The following TEAD1 variants were observed in gnomAD, a reference collection of about 807,000 sequenced individuals.
The protein encoded by TEAD1 is TEA domain transcription factor 1.
A neutral mutation model predicts 54.9 loss-of-function variants in TEAD1; 9 were observed. That is an observed-to-expected ratio of 0.16 (90% confidence interval 0.10 to 0.29). The LOEUF (loss-of-function observed/expected upper bound fraction) is 0.29. Ranked by LOEUF, TEAD1 falls within the 10% of genes least tolerant of loss-of-function variation. The pLI, the probability that TEAD1 is intolerant of heterozygous loss-of-function variation, is 1.00. For synonymous variants in TEAD1, 200 were observed against 187.8 expected (o/e 1.07, Z -0.53); for missense variants, 387 against 535.9 (o/e 0.72, Z 2.74).
intron 9 of TEAD1, among the ~76,000 whole-genome samples, chr11:12,892,211 A>G (rs984179919): frequency 4.6e-5 from 7 of 152,262 alleles, no homozygotes; most frequent in East Asian, 1.9e-4. Context: ...TTCCGTTGTC[A>G]GAACACAGAT....
intron 3 of TEAD1, among the ~76,000 whole-genome samples, chr11:12,807,968 G>T (rs1349555052): frequency 6.6e-6 from 1 of 152,138 alleles, no homozygotes; most frequent in Non-Finnish European, 1.5e-5. Flanking sequence ...TTGCTTATCC[G>T]CAAAGTGGTT....
At chr11:12,839,985 C>T (rs887098211) in intron 3 of TEAD1, among the ~76,000 whole-genome samples, 5 of 151,934 alleles carry the variant, frequency 3.3e-5, no homozygotes, top group African/African-American at 9.7e-5. Flanking sequence ...CGGTGGTTCA[C>T]GCCTGTAATC....
intron 2 of TEAD1, among the ~76,000 whole-genome samples, chr11:12,747,289 G>A (rs750615160): frequency 2.0e-5 from 3 of 152,164 alleles, no homozygotes; most frequent in Non-Finnish European, 4.4e-5. Flanking sequence ...GAAGAAGGTG[G>A]ATATATTAGC....
chr11:12,915,909 T>A (rs1217819535), intron 10 of TEAD1, among the ~76,000 whole-genome samples: 1 of 152,140 alleles, frequency 6.6e-6, no homozygotes, highest in Admixed American at 6.5e-5. Context: ...GAGAAACGAA[T>A]CCAGACTCTT....
chr11:12,871,353 G>A (rs1564971246), intron 5 of TEAD1, among the ~76,000 whole-genome samples: 1 of 152,188 alleles, frequency 6.6e-6, no homozygotes, highest in Non-Finnish European at 1.5e-5. Context: ...TTAGCTCACA[G>A]CCTTAGAAAT....
intron 9 of TEAD1, among the ~76,000 whole-genome samples, chr11:12,900,843 G>A (rs7950414): frequency 0.098 from 14,977 of 152,144 alleles, 1,360 homozygotes; most frequent in African/African-American, 0.24. Flanking sequence ...TAAAGAAGGC[G>A]GATGGAGTTT....
chr11:12,873,365 A>G (rs140046175), intron 5 of TEAD1, among the ~76,000 whole-genome samples: 6 of 152,326 alleles, frequency 3.9e-5, no homozygotes, highest in African/African-American at 1.4e-4. Flanking sequence ...AGGCACACCT[A>G]TGAGTTTGCT....
At chr11:12,828,157 C>G (rs1946694586) in intron 3 of TEAD1, 1 of 152,144 alleles carries the variant, frequency 6.6e-6, no homozygotes, top group African/African-American at 2.4e-5. Flanking sequence ...CTCTGGCGGG[C>G]TGAGGGTGCT....
At chr11:12,712,171 C>G (rs1943952442) in intron 2 of TEAD1, among the ~76,000 whole-genome samples, 1 of 152,144 alleles carries the variant, frequency 6.6e-6, no homozygotes, top group Non-Finnish European at 1.5e-5. Flanking sequence ...CAAATATCTC[C>G]CTCTTCTCTG....
At chr11:12,886,745 C>T (rs1948095301) in intron 9 of TEAD1, among the ~76,000 whole-genome samples, 1 of 151,776 alleles carries the variant, frequency 6.6e-6, no homozygotes, top group South Asian at 2.1e-4. Context: ...ATCCTCATGT[C>T]TCAGGCTCCT....
intron 2 of TEAD1, among the ~76,000 whole-genome samples, chr11:12,740,433 T>A (rs1944627314): frequency 6.6e-6 from 1 of 152,226 alleles, no homozygotes; most frequent in Non-Finnish European, 1.5e-5. Context: ...AATGTGTGTA[T>A]GTGAAAATTG....
chr11:12,745,213 G>C (rs531371122), intron 2 of TEAD1, among the ~76,000 whole-genome samples: 48 of 152,322 alleles, frequency 3.2e-4, no homozygotes, highest in African/African-American at 9.4e-4. Context: ...TAAAAACCAG[G>C]ATTATTAAAG....
chr11:12,893,617 C>G (rs1235149007), intron 9 of TEAD1, among the ~76,000 whole-genome samples: 1 of 152,182 alleles, frequency 6.6e-6, no homozygotes, highest in Non-Finnish European at 1.5e-5. Context: ...GGCCTTTCAG[C>G]TGCACTTCTG....
In TEAD1 at chr11:12,878,735, C is replaced by G. The variant is rs916017661; in HGVS notation, c.331-973C>G. 3.3e-5 allele frequency among the ~76,000 whole-genome samples: 5 copies of G among 151,980 alleles called. 1 individual carries two copies. The stretch of plus-strand genomic sequence containing the variant: ...CCTAAAATGTGAAAAGGCCCACACC[C>G]CTATGCATTTTATTGTTCCCAAGTA... On this transcript the variant is annotated intron_variant, in intron 5 of 12. Transcript: ENST00000527636.
chr11:12,909,815 A>G (rs984415830), intron 10 of TEAD1, among the ~76,000 whole-genome samples: 53 of 152,362 alleles, frequency 3.5e-4, no homozygotes, highest in African/African-American at 1.2e-3. Context: ...TTTAGCTTAA[A>G]TTTAAATCCC....
At chr11:12,875,441 G>A (rs965859401) in intron 5 of TEAD1, among the ~76,000 whole-genome samples, 1 of 152,158 alleles carries the variant, frequency 6.6e-6, no homozygotes, top group South Asian at 2.1e-4. Flanking sequence ...TCAAATTCCC[G>A]TTTCAGGATA....
At chr11:12,766,968 C>G (rs1177377236) in intron 3 of TEAD1, among the ~76,000 whole-genome samples, 1 of 152,138 alleles carries the variant, frequency 6.6e-6, no homozygotes, top group Non-Finnish European at 1.5e-5. Flanking sequence ...GGAAACATCC[C>G]CCCTGAACTC....
At chr11:12,760,934 T>G (rs1288609920) in intron 2 of TEAD1, among the ~76,000 whole-genome samples, 1 of 152,162 alleles carries the variant, frequency 6.6e-6, no homozygotes, top group Non-Finnish European at 1.5e-5. Flanking sequence ...TATGATGGGG[T>G]TGTAAAACCA....
At chr11:12,829,881 A>G (rs932499426) in intron 3 of TEAD1, among the ~76,000 whole-genome samples, 2 of 152,112 alleles carry the variant, frequency 1.3e-5, no homozygotes, top group Non-Finnish European at 2.9e-5. Flanking sequence ...TCTCCATAAC[A>G]CCCAGCACAA....
Sources: gnomAD v4.1 joint callset for allele counts (sites outside exome capture counted in the v4.1 genomes callset) on GRCh38, gnomAD v4.1.1 for gene constraint, MANE v1.5 for transcripts, NCBI Gene and HGNC (gene_info 2026-07-23, HGNC 2026-07-21) for gene names.